SLC35D4: variants seen among roughly 807,000 people sequenced by gnomAD.
SLC35D4 encodes solute carrier family 35 member D4.
At chr18:23,345,937 T>C in the SLC35D4 span, among the ~76,000 whole-genome samples, 1 of 152,172 alleles carries the variant, frequency 6.6e-6, no homozygotes, top group Non-Finnish European at 1.5e-5. Context: ...AATTGTTTTC[T>C]TAATTTTATT....
At chr18:23,297,478 A>G in the SLC35D4 span, 1 of 152,276 alleles carries the variant, frequency 6.6e-6, no homozygotes, top group Non-Finnish European at 1.5e-5. Flanking sequence ...TGATCGCACC[A>G]CTGTGCTTCA....
the SLC35D4 span, chr18:23,331,191 C>G: frequency 2.7e-4 from 41 of 152,464 alleles, no homozygotes; most frequent in African/African-American, 9.9e-4. Flanking sequence ...GAAAAGCGCG[C>G]CCGTGTGGGG....
the SLC35D4 span, chr18:23,253,959 G>C: frequency 6.2e-7 from 1 of 1,604,166 alleles, no homozygotes; most frequent in East Asian, 2.2e-5. Context: ...TTTCCTGGTG[G>C]CTGGAGGAGC....
At chr18:23,325,420 C>T in the SLC35D4 span, among the ~76,000 whole-genome samples, 12 of 152,058 alleles carry the variant, frequency 7.9e-5, no homozygotes, top group African/African-American at 2.9e-4. Context: ...AGGACAAAAA[C>T]CACACCAGGG....
At chr18:23,276,116 C>T in the SLC35D4 span, among the ~76,000 whole-genome samples, 1 of 151,838 alleles carries the variant, frequency 6.6e-6, no homozygotes, top group South Asian at 2.1e-4. Flanking sequence ...GAGATGGAGT[C>T]TCACTCTGTC....
At chr18:23,348,244 AC>A in the SLC35D4 span, among the ~76,000 whole-genome samples, 1 of 152,230 alleles carries the variant, frequency 6.6e-6, no homozygotes, top group African/African-American at 2.4e-5. Context: ...TGTTTTGTCA[AC>A]CAGCATACTA....
the SLC35D4 span, among the ~76,000 whole-genome samples, chr18:23,243,431 G>A: frequency 6.7e-6 from 1 of 149,580 alleles, no homozygotes; most frequent in Non-Finnish European, 1.5e-5. Context: ...ATTGTGCTGT[G>A]TGGGGGAGGG....
At chr18:23,246,584 G>A in the SLC35D4 span, among the ~76,000 whole-genome samples, 3 of 151,746 alleles carry the variant, frequency 2.0e-5, no homozygotes, top group Admixed American at 1.3e-4. Flanking sequence ...GTAGAGATGG[G>A]GTTTCACCGT....
the SLC35D4 span, among the ~76,000 whole-genome samples, chr18:23,334,144 A>C: frequency 6.6e-6 from 1 of 152,180 alleles, no homozygotes; most frequent in Non-Finnish European, 1.5e-5. Flanking sequence ...TTGATATATC[A>C]AATATTGACT....
the SLC35D4 span, among the ~76,000 whole-genome samples, chr18:23,239,702 G>A: frequency 6.6e-6 from 1 of 152,236 alleles, no homozygotes; most frequent in South Asian, 2.1e-4. Flanking sequence ...TCCTTACCCA[G>A]TAGAGAACTA....
the SLC35D4 span, chr18:23,297,878 T>TG: frequency 9.2e-7 from 1 of 1,086,702 alleles, no homozygotes; most frequent in African/African-American, 1.5e-5. Context: ...ACTGCCCACC[T>TG]GGCCTCACTG....
At chr18:23,385,913 C>T in the SLC35D4 span, among the ~76,000 whole-genome samples, 4 of 151,882 alleles carry the variant, frequency 2.6e-5, no homozygotes, top group East Asian at 1.9e-4. Flanking sequence ...GAGTGAATCA[C>T]GAGGTCAGGA....
the SLC35D4 span, chr18:23,356,591 T>G: frequency 1.9e-6 from 3 of 1,614,084 alleles, no homozygotes; most frequent in Non-Finnish European, 2.5e-6. The surrounding 1 kb of genome is among the most constrained non-coding windows in gnomAD (Gnocchi z 4.1). Context: ...AGCTTACGAT[T>G]ACCTGGCACA....
the SLC35D4 span, among the ~76,000 whole-genome samples, chr18:23,294,661 G>T: frequency 6.6e-6 from 1 of 152,016 alleles, no homozygotes; most frequent in African/African-American, 2.4e-5. Context: ...TGGGAGGCTG[G>T]GGTGGGAGGA....
chr18:23,339,532 G>C, the SLC35D4 span, among the ~76,000 whole-genome samples: 1 of 152,202 alleles, frequency 6.6e-6, no homozygotes. Context: ...CACAACGTTT[G>C]TGCACTATCT....
At chr18:23,363,476 G>A in the SLC35D4 span, among the ~76,000 whole-genome samples, 5 of 134,586 alleles carry the variant, frequency 3.7e-5, no homozygotes, top group Non-Finnish European at 7.7e-5. Context: ...CCGGGTTCAC[G>A]CCATTCTCCT....
the SLC35D4 span, among the ~76,000 whole-genome samples, chr18:23,284,611 C>G: frequency 6.6e-6 from 1 of 152,248 alleles, no homozygotes; most frequent in East Asian, 1.9e-4. Flanking sequence ...TGTAACCCAA[C>G]TGCCTTGGGA....
the SLC35D4 span, among the ~76,000 whole-genome samples, chr18:23,413,906 T>G: frequency 1.4e-5 from 2 of 147,978 alleles, no homozygotes; most frequent in Non-Finnish European, 3.0e-5. Flanking sequence ...ACCATCCCAC[T>G]GCACTTCAGC....
the SLC35D4 span, among the ~76,000 whole-genome samples, chr18:23,247,952 C>T: frequency 1.3e-5 from 2 of 152,236 alleles, no homozygotes; most frequent in South Asian, 2.1e-4. Flanking sequence ...CTGCCCACTC[C>T]CTGCCAGGGC....
Sources: allele counts gnomAD v4.1 joint callset (sites outside exome capture counted in the v4.1 genomes callset), GRCh38; gene constraint gnomAD v4.1.1; non-coding constraint Gnocchi (gnomAD v3.1); transcripts MANE v1.5; gene names NCBI Gene and HGNC (gene_info 2026-07-23, HGNC 2026-07-21).